TUT4: variants seen among roughly 807,000 people sequenced by gnomAD.
The protein encoded by TUT4 is terminal uridylyl transferase 4.
TUT4 carries 36 observed loss-of-function variants against 192.2 expected under a neutral mutation model. The observed-to-expected ratio is 0.19, with a 90% confidence interval of 0.14 to 0.25. The LOEUF (loss-of-function observed/expected upper bound fraction) is 0.25, where lower values mean the gene tolerates loss of function less well. TUT4 is among the 10% of genes least tolerant of loss of function. The pLI is 1.00. For synonymous variants in TUT4, 618 were observed against 666.0 expected (o/e 0.93, Z 1.11); for missense variants, 1,493 against 1,957.2 (o/e 0.76, Z 4.47).
At chr1:52,450,607 A>G (rs763106998) in intron 20 of TUT4, among the ~76,000 whole-genome samples, 4 of 152,326 alleles carry the variant, frequency 2.6e-5, no homozygotes, top group Non-Finnish European at 5.9e-5. Context: ...CTACTTTAGC[A>G]CCTACTACAT....
chr1:52,460,089 G>A (rs534256211), intron 19 of TUT4, among the ~76,000 whole-genome samples: 3 of 152,258 alleles, frequency 2.0e-5, no homozygotes, highest in Admixed American at 2.0e-4. Context: ...GAGTTACCTT[G>A]TTAGGTGAAT....
In TUT4 at chr1:52,468,272, G is replaced by A; in HGVS notation, c.2879-5C>T. On this transcript the variant is annotated splice_polypyrimidine_tract_variant and splice_region_variant and intron_variant, in intron 14 of 29. Transcript: ENST00000257177. ...AACAAGGTGGTGATAACTCATCTGG[G>A]TTTATAAAAAGAAGAAAAAAGGAAA... 3 of 1,567,070 alleles carry A rather than the reference G, an allele frequency of 1.9e-6. No homozygotes were observed. Among genetic ancestry groups the A allele is most frequent in the Non-Finnish European group, 2.6e-6 (3 of 1,165,540 alleles).
chr1:52,550,559 GTGGCGCAACTGTGCCTCAC>G (rs1219225281), intron 1 of TUT4, among the ~76,000 whole-genome samples: 1 of 143,588 alleles, frequency 7.0e-6, no homozygotes, highest in East Asian at 2.1e-4. Context: ...CTGGAGTACA[GTGGCGCAACTGTGCCTCAC>G]TGCAACCTTG....
intron 27 of TUT4, chr1:52,434,153 A>G (rs1173361665): frequency 6.6e-6 from 1 of 152,234 alleles, no homozygotes; most frequent in Non-Finnish European, 1.5e-5. Flanking sequence ...TATCAAGCAC[A>G]TAATAGGTAT....
At chr1:52,457,507 T>G (rs576225392) in intron 20 of TUT4, among the ~76,000 whole-genome samples, 3 of 152,348 alleles carry the variant, frequency 2.0e-5, no homozygotes, top group African/African-American at 4.8e-5. Context: ...GTGCTGGGAT[T>G]ACAGGCGTGA....
intron 1 of TUT4, among the ~76,000 whole-genome samples, chr1:52,546,617 C>T (rs1161627164): frequency 6.6e-6 from 1 of 152,074 alleles, no homozygotes; most frequent in African/African-American, 2.4e-5. Flanking sequence ...GTGATGATGG[C>T]TGCACAACAT....
intron 1 of TUT4, among the ~76,000 whole-genome samples, chr1:52,532,685 C>G (rs1339494610): frequency 2.6e-5 from 4 of 152,160 alleles, no homozygotes; most frequent in Non-Finnish European, 5.9e-5. Context: ...TAAAAACATA[C>G]ATAACTGTGC....
chr1:52,476,011 A>G (rs1666994086), intron 12 of TUT4, among the ~76,000 whole-genome samples: 1 of 151,930 alleles, frequency 6.6e-6, no homozygotes. Context: ...CGCCCAGCTA[A>G]TTTTTGTATT....
At chr1:52,541,043 T>TAAAAATACAAAA (rs1686481481) in intron 1 of TUT4, among the ~76,000 whole-genome samples, 2 of 151,528 alleles carry the variant, frequency 1.3e-5, no homozygotes, top group South Asian at 4.2e-4. Context: ...CTGTCTCTAC[T>TAAAAATACAAAA]AAAAATACAA....
chr1:52,488,846 T>C, intron 9 of TUT4, 63 bp downstream of exon 9: 1 of 1,507,636 alleles, frequency 6.6e-7, no homozygotes, highest in Non-Finnish European at 8.9e-7. Context: ...AGGCCTAATT[T>C]TGAAGATTAA....
intron 18 of TUT4, 38 bp downstream of exon 18, chr1:52,461,475 A>G: frequency 1.3e-6 from 2 of 1,557,174 alleles, no homozygotes; most frequent in African/African-American, 1.4e-5. Context: ...AACTTTTAAA[A>G]TGAAAAGTAT....
Position 52,423,682 on chromosome 1 carries a change from T to C in TUT4, c.*253A>G. The stretch of plus-strand genomic sequence containing the variant: ...AATAGATGAAATTTGTATCACTCAA[T>C]TTGGTGATACTAGTAAAAACTATAG... On this transcript the variant is annotated 3_prime_UTR_variant, in exon 30 of 30. Transcript: ENST00000257177. 1.4e-6 allele frequency: 1 copy of C among 705,102 alleles called. No homozygotes were observed. Among genetic ancestry groups the C allele is most frequent in the Non-Finnish European group, 2.2e-6 (1 of 464,126 alleles). 43.7% of individuals were successfully genotyped at this position (705,102 alleles called of 1,614,324 possible).
chr1:52,439,248 AAATT>A (rs1249044952), intron 24 of TUT4, among the ~76,000 whole-genome samples: 1 of 152,152 alleles, frequency 6.6e-6, no homozygotes, highest in African/African-American at 2.4e-5. Flanking sequence ...AAAAATAAAT[AAATT>A]AACAACAACA....
intron 7 of TUT4, among the ~76,000 whole-genome samples, chr1:52,492,621 G>A (rs144806427): frequency 6.6e-6 from 1 of 152,340 alleles, no homozygotes; most frequent in Non-Finnish European, 1.5e-5. Flanking sequence ...ACTAAAATCT[G>A]AGCCCAGAAA....
At chr1:52,466,545 G>A (rs1397978190) in intron 15 of TUT4, among the ~76,000 whole-genome samples, 1 of 150,896 alleles carries the variant, frequency 6.6e-6, no homozygotes, top group Non-Finnish European at 1.5e-5. Context: ...GACTAAGGTA[G>A]GAGGATCGCT....
intron 19 of TUT4, among the ~76,000 whole-genome samples, chr1:52,459,379 A>C (rs1661886403): frequency 6.6e-6 from 1 of 151,986 alleles, no homozygotes; most frequent in Admixed American, 6.5e-5. Flanking sequence ...GCTTGAGCCC[A>C]AGAGTTCAAG....
intron 24 of TUT4, 152 bp from the exon 25 acceptor site, chr1:52,438,487 A>C: frequency 5.1e-6 from 3 of 593,112 alleles, no homozygotes; most frequent in South Asian, 2.1e-5. Context: ...ATATGAAAAT[A>C]AGATTCACAA....
intron 1 of TUT4, among the ~76,000 whole-genome samples, chr1:52,543,208 T>C (rs1558023394): frequency 6.6e-6 from 1 of 151,990 alleles, no homozygotes; most frequent in Non-Finnish European, 1.5e-5. Flanking sequence ...CTAAAGATTA[T>C]ACACACACAC....
Position 52,515,926 on chromosome 1 carries a change from GTTC to G in TUT4, c.844_846del (p.Glu282del). ...CGAAAGATGTGATCTCTTTCTAAGC[GTTC>G]TTCTGCTTGTTTCAACCCCAGCCTC... On this transcript the variant is annotated inframe_deletion, in exon 3 of 30. Coordinates refer to ENST00000257177, the MANE Select transcript of TUT4 (RefSeq NM_001009881.3). The G allele has an allele frequency of 6.2e-7, 1 of 1,613,370 alleles. No individual in the cohort carries two copies. Among genetic ancestry groups the G allele is most frequent in the Non-Finnish European group, 8.5e-7 (1 of 1,179,864 alleles).
Sources: allele counts gnomAD v4.1 joint callset (sites outside exome capture counted in the v4.1 genomes callset), GRCh38; gene constraint gnomAD v4.1.1; transcripts MANE v1.5; gene names NCBI Gene and HGNC (gene_info 2026-07-23, HGNC 2026-07-21).